CSF2RA: variants seen among roughly 807,000 people sequenced by gnomAD.
The protein encoded by CSF2RA is colony stimulating factor 2 receptor subunit alpha, also known as granulocyte-macrophage colony-stimulating factor receptor subunit alpha.
A neutral mutation model predicts 51.6 loss-of-function variants in CSF2RA; 42 were observed. The ratio of observed to expected loss-of-function variants is 0.81; its 90% CI spans 0.64 to 1.05. The LOEUF (loss-of-function observed/expected upper bound fraction) is 1.05, where lower values mean the gene tolerates loss of function less well. Ranked by LOEUF, CSF2RA falls within the 50% of genes least tolerant of loss-of-function variation. The pLI is 0.00. For synonymous variants in CSF2RA, 222 were observed against 193.0 expected, an observed-to-expected ratio of 1.15 and a Z score of -1.24; for missense variants, 530 against 501.1, an observed-to-expected ratio of 1.06 and a Z score of -0.55.
At chrX:1,289,526 TTC>T (rs1241634953) in intron 6 of CSF2RA, among the ~76,000 whole-genome samples, 17 of 151,878 alleles carry the variant, frequency 1.1e-4, no homozygotes, top group Non-Finnish European at 2.1e-4. Context: ...TGTTTTGTGT[TTC>T]TGTGTTTTTC....
At chrX:1,302,949 G>A (rs1210948624) in intron 10 of CSF2RA, 15 of 235,214 alleles carry the variant, frequency 6.4e-5, no homozygotes, top group East Asian at 1.4e-4. Flanking sequence ...TCGGCTCACT[G>A]CAACCTCCGC....
At chrX:1,299,942 G>A (rs1476772996) in intron 9 of CSF2RA, among the ~76,000 whole-genome samples, 1 of 151,732 alleles carries the variant, frequency 6.6e-6, no homozygotes, top group Non-Finnish European at 1.5e-5. Context: ...AAGAGGCCGG[G>A]CGTGGTGGCT....
At position 1,309,532 on chromosome X, in the gene CSF2RA, G is replaced by C. The variant is rs371886431; in HGVS notation, c.*53G>C. Reference sequence around the variant, plus strand: ...ACATCTCCGCCTCCGCGACACGGGGGAACTGTTTTCTTGATGATGCTGTGA... The same window carrying C: ...ACATCTCCGCCTCCGCGACACGGGGCAACTGTTTTCTTGATGATGCTGTGA... On this transcript the variant is annotated 3_prime_UTR_variant, in exon 13 of 13. Coordinates refer to ENST00000381529, the MANE Select transcript of CSF2RA (RefSeq NM_172245.4). 9 of 1,613,864 alleles carry C rather than the reference G, an allele frequency of 5.6e-6. No homozygotes were observed. The highest frequency in any genetic ancestry group is 1.7e-5 in the Admixed American group (1 of 59,990).
chrX:1,324,294 G>A, the CSF2RA span, among the ~76,000 whole-genome samples: 2 of 149,198 alleles, frequency 1.3e-5, no homozygotes, highest in East Asian at 3.9e-4. Context: ...AGGAGTTAGA[G>A]GCCAGCCTGG....
At chrX:1,306,640 C>G (rs1461718134) in intron 12 of CSF2RA, among the ~76,000 whole-genome samples, 6 of 151,720 alleles carry the variant, frequency 4.0e-5, no homozygotes, top group African/African-American at 1.5e-4. Context: ...GAGCAAAACT[C>G]TCTATCAAAA....
At chrX:1,317,052 T>C in the CSF2RA span, among the ~76,000 whole-genome samples, 3,763 of 151,730 alleles carry the variant, frequency 0.025, 137 homozygotes, top group African/African-American at 0.086. Flanking sequence ...GTTCACGCCA[T>C]TCTCCTGCCT....
chrX:1,314,202 A>G (rs1223679902), downstream of CSF2RA, among the ~76,000 whole-genome samples: 2 of 146,288 alleles, frequency 1.4e-5, no homozygotes, highest in South Asian at 2.1e-4. Flanking sequence ...CTTTTGCAGA[A>G]CCGCACTGCA....
chrX:1,275,634 C>T (rs2089079175), intron 2 of CSF2RA, among the ~76,000 whole-genome samples: 1 of 151,920 alleles, frequency 6.6e-6, no homozygotes, highest in Admixed American at 6.6e-5. Context: ...TCTCGGCTCA[C>T]TGCAACCTCC....
At chrX:1,304,096 CTCTGTCTCTGAG>C in intron 11 of CSF2RA, 77 bp downstream of exon 11, 1 of 1,239,018 alleles carries the variant, frequency 8.1e-7, no homozygotes, top group Non-Finnish European at 1.2e-6. Flanking sequence ...CAGTCTCTGT[CTCTGTCTCTGAG>C]AAAGAGAAAC....
chrX:1,323,811 G>C, the CSF2RA span, among the ~76,000 whole-genome samples: 1 of 151,412 alleles, frequency 6.6e-6, no homozygotes, highest in Non-Finnish European at 1.5e-5. Context: ...TCAGGAGATC[G>C]AAACCATCCT....
downstream of CSF2RA, among the ~76,000 whole-genome samples, chrX:1,314,856 GCACC>G (rs1569515048): frequency 3.3e-4 from 33 of 99,686 alleles, 6 homozygotes; most frequent in African/African-American, 1.1e-3. Flanking sequence ...CAATCCCACT[GCACC>G]TGCCCAACCG....
intron 3 of CSF2RA, among the ~76,000 whole-genome samples, chrX:1,284,668 T>TC (rs2090436494): frequency 7.9e-6 from 1 of 126,476 alleles, no homozygotes; most frequent in South Asian, 2.6e-4. Flanking sequence ...TGATTTTTTT[T>TC]TTTTTTTTTT....
chrX:1,301,884 G>C (rs1446890979), intron 10 of CSF2RA, among the ~76,000 whole-genome samples: 1 of 148,556 alleles, frequency 6.7e-6, no homozygotes, highest in Admixed American at 6.8e-5. Flanking sequence ...GGGATTACAG[G>C]CGTGAGCCAC....
chrX:1,310,685 A>AT (rs2084136941), downstream of CSF2RA, among the ~76,000 whole-genome samples: 1 of 149,022 alleles, frequency 6.7e-6, no homozygotes, highest in African/African-American at 2.5e-5. Context: ...AAAAAAAAAA[A>AT]TTATTATTGT....
At chrX:1,306,810 G>A (rs1381271229) in intron 12 of CSF2RA, among the ~76,000 whole-genome samples, 1 of 151,134 alleles carries the variant, frequency 6.6e-6, no homozygotes, top group Non-Finnish European at 1.5e-5. Flanking sequence ...GGGACAAAGA[G>A]AAAAAGACGG....
chrX:1,284,288 C>A (rs1327338187), intron 3 of CSF2RA, among the ~76,000 whole-genome samples: 1 of 149,142 alleles, frequency 6.7e-6, no homozygotes, highest in Non-Finnish European at 1.5e-5. Flanking sequence ...ACTGCAGCCT[C>A]AGCTTTCTGG....
intron 12 of CSF2RA, among the ~76,000 whole-genome samples, chrX:1,308,256 C>T (rs188833262): frequency 6.6e-5 from 10 of 152,084 alleles, no homozygotes; most frequent in African/African-American, 1.7e-4. Flanking sequence ...TCATTGGTGC[C>T]GGGTATCAGA....
At position 1,269,450 on chromosome X, in the gene CSF2RA, G is replaced by A. The variant is rs189500435; in HGVS notation, c.-91+571G>A. Among the ~76,000 whole-genome samples, 295 of 151,700 alleles carry A rather than the reference G, an allele frequency of 1.9e-3. 2 individuals carry two copies. Among genetic ancestry groups the A allele is most frequent in the African/African-American group, 6.7e-3 (279 of 41,384 alleles). ...ATCCTGGCCAACATGGAGAAACCCC[G>A]TCTCTACTAAAAATACAAAATTAGC... On this transcript the variant is annotated intron_variant, in intron 1 of 12. Transcript: ENST00000381529.
In CSF2RA at chrX:1,303,980, C is replaced by T. The variant is rs201290062; in HGVS notation, c.1004C>T (p.Thr335Ile). ...VYIYVLLIVG[T>I]LVCGIVLGFL... ...ATTTATGTGCTCCTAATCGTGGGAA[C>T]CCTTGTCTGTGGCATCGTCCTCGGC... Residue 335 changes from threonine (T) to isoleucine (I), a missense_variant, in exon 11 of 13, where the codon ACC (threonine) becomes ATC (isoleucine). Thr to Ile is a moderately conservative substitution (Grantham distance 89). Coordinates refer to ENST00000381529, the MANE Select transcript of CSF2RA (RefSeq NM_172245.4). 5.6e-6 allele frequency: 9 copies of T among 1,613,140 alleles called. No individual in the cohort carries two copies. In the South Asian group the frequency reaches 8.8e-5, roughly 16 times the overall value.
Sources: gnomAD v4.1 joint callset for allele counts (sites outside exome capture counted in the v4.1 genomes callset) on GRCh38, gnomAD v4.1.1 for gene constraint, MANE v1.5 for transcripts, NCBI Gene and HGNC (gene_info 2026-07-23, HGNC 2026-07-21) for gene names.